Variants in SLC22A15 observed in about 807,000 individuals in gnomAD.
SLC22A15 encodes the protein solute carrier family 22 member 15, also known as flipt 1.
In SLC22A15, 45 loss-of-function variants were observed where a neutral mutation model predicts 62.7. That is an observed-to-expected ratio of 0.72 (90% CI 0.56 to 0.92). SLC22A15 has a LOEUF of 0.92. SLC22A15 is among the 40% of genes least tolerant of loss of function. The pLI is 0.00. For synonymous variants in SLC22A15, 264 were observed against 267.0 expected (o/e 0.99, Z 0.11); for missense variants, 622 against 665.6 (o/e 0.93, Z 0.72).
At chr1:115,998,646 A>G (rs2101125206) in intron 2 of SLC22A15, among the ~76,000 whole-genome samples, 2 of 151,646 alleles carry the variant, frequency 1.3e-5, no homozygotes, top group Middle Eastern at 6.8e-3. Context: ...CCCCTTTTTC[A>G]TCTCTGATTT....
chr1:116,031,338 A>G (rs1438711991), intron 5 of SLC22A15, 28 bp from the exon 6 acceptor site: 1 of 1,564,166 alleles, frequency 6.4e-7, no homozygotes, highest in Non-Finnish European at 8.8e-7. Context: ...CTATATGAAT[A>G]TACAGGCTTT....
chr1:116,025,124 G>A (rs1001368870), intron 4 of SLC22A15, among the ~76,000 whole-genome samples: 9 of 152,202 alleles, frequency 5.9e-5, no homozygotes, highest in African/African-American at 2.2e-4. Context: ...ACTGAGGCTC[G>A]GGGATATTTA....
At chr1:116,044,357 T>C (rs976460961) in intron 8 of SLC22A15, among the ~76,000 whole-genome samples, 3 of 152,218 alleles carry the variant, frequency 2.0e-5, no homozygotes, top group Non-Finnish European at 4.4e-5. Flanking sequence ...CCTAGCACTT[T>C]GGGAGGCCGA....
intron 4 of SLC22A15, among the ~76,000 whole-genome samples, chr1:116,024,331 T>G (rs1656987547): frequency 6.6e-6 from 1 of 152,188 alleles, no homozygotes; most frequent in Admixed American, 6.5e-5. Context: ...TGGTACCGTT[T>G]ACAAAAATGA....
intron 7 of SLC22A15, among the ~76,000 whole-genome samples, chr1:116,036,662 C>A (rs1002205653): frequency 2.0e-5 from 3 of 152,184 alleles, no homozygotes; most frequent in African/African-American, 7.2e-5. Context: ...AGTAAAAGTA[C>A]CTAGCATGTT....
rs1775709 is a variant in SLC22A15, at chr1:115,979,795, G to T, written c.87+3081G>T. The stretch of plus-strand genomic sequence containing the variant: ...GTTACTTCTTTGTTCTAAGCCAGAG[G>T]CTCCTGCTTTGTCATTTTCCTCAAA... On this transcript the variant is annotated intron_variant, in intron 1 of 11. Coordinates refer to ENST00000369503, the MANE Select transcript of SLC22A15 (RefSeq NM_018420.3). Among the ~76,000 whole-genome samples the T allele has an allele frequency of 3.1e-3, 475 of 152,092 alleles. 4 individuals are homozygous for T. The highest frequency in any genetic ancestry group is 0.011 in the African/African-American group (442 of 41,490).
At chr1:116,004,818 T>G (rs994215212) in intron 2 of SLC22A15, among the ~76,000 whole-genome samples, 1 of 152,184 alleles carries the variant, frequency 6.6e-6, no homozygotes, top group Non-Finnish European at 1.5e-5. Flanking sequence ...GATTTCCTTT[T>G]GGGGAGTTTT....
chr1:116,020,397 C>CA (rs1014827541), intron 3 of SLC22A15, among the ~76,000 whole-genome samples: 8 of 151,194 alleles, frequency 5.3e-5, no homozygotes, highest in South Asian at 2.1e-4. Context: ...CTAAAAAATA[C>CA]AAAAAAAATT....
chr1:116,035,156 T>C (rs1468408318), intron 6 of SLC22A15, 31 bp from the exon 7 acceptor site: 2 of 1,599,912 alleles, frequency 1.3e-6, no homozygotes, highest in East Asian at 2.3e-5. Context: ...TCTTGTCTTT[T>C]ACCTCCTGGT....
intron 1 of SLC22A15, among the ~76,000 whole-genome samples, chr1:115,988,390 C>T (rs1654983105): frequency 6.6e-6 from 1 of 152,166 alleles, no homozygotes. Context: ...GAATTTGTCA[C>T]AGCCAAAGAT....
chr1:116,034,142 A>G (rs188793414), intron 6 of SLC22A15, among the ~76,000 whole-genome samples: 6 of 152,270 alleles, frequency 3.9e-5, no homozygotes, highest in Admixed American at 3.3e-4. Context: ...CACTGATCAA[A>G]CTGTGTTGCA....
At chr1:116,012,213 A>G (rs762873019) in intron 2 of SLC22A15, among the ~76,000 whole-genome samples, 3 of 152,218 alleles carry the variant, frequency 2.0e-5, no homozygotes, top group Non-Finnish European at 4.4e-5. Flanking sequence ...GTCACAGGAA[A>G]AAACGGAAGC....
chr1:116,028,001 G>C (rs906560279), intron 5 of SLC22A15, among the ~76,000 whole-genome samples: 2 of 152,122 alleles, frequency 1.3e-5, no homozygotes, highest in Non-Finnish European at 2.9e-5. Flanking sequence ...CAAAATCTTT[G>C]ACATAAACAA....
intron 1 of SLC22A15, among the ~76,000 whole-genome samples, chr1:115,979,678 G>GT (rs1382430042): frequency 6.6e-6 from 1 of 152,138 alleles, no homozygotes; most frequent in Non-Finnish European, 1.5e-5. Flanking sequence ...GTTTGTGTAT[G>GT]TGTTTGCTTG....
intron 7 of SLC22A15, among the ~76,000 whole-genome samples, chr1:116,036,766 G>C (rs1254905408): frequency 1.3e-5 from 2 of 152,294 alleles, no homozygotes; most frequent in East Asian, 3.9e-4. Flanking sequence ...AACAAAGTAT[G>C]AAATAGCATT....
intron 8 of SLC22A15, among the ~76,000 whole-genome samples, chr1:116,055,099 A>T (rs1169572434): frequency 6.7e-6 from 1 of 149,802 alleles, no homozygotes; most frequent in African/African-American, 2.4e-5. Context: ...CCCTTCAAAA[A>T]ATTAATGAAT....
intron 2 of SLC22A15, among the ~76,000 whole-genome samples, chr1:116,004,323 T>C (rs537583277): frequency 9.8e-5 from 15 of 152,334 alleles, no homozygotes; most frequent in African/African-American, 3.4e-4. Context: ...TTGGTGTTCC[T>C]GTGGGGAGGA....
intron 1 of SLC22A15, among the ~76,000 whole-genome samples, chr1:115,990,883 G>A (rs1281700): frequency 0.15 from 22,882 of 151,934 alleles, 3,243 homozygotes; most frequent in African/African-American, 0.37. Context: ...TGAGCCTCCC[G>A]AGTAGCTGGA....
intron 1 of SLC22A15, among the ~76,000 whole-genome samples, chr1:115,978,577 C>T (rs1003481077): frequency 6.6e-6 from 1 of 152,112 alleles, no homozygotes; most frequent in Non-Finnish European, 1.5e-5. Flanking sequence ...CCAGCCTAGG[C>T]AAAAGTGAAT....
Sources: gnomAD v4.1 joint callset for allele counts (sites outside exome capture counted in the v4.1 genomes callset) on GRCh38, gnomAD v4.1.1 for gene constraint, MANE v1.5 for transcripts, NCBI Gene and HGNC (gene_info 2026-07-23, HGNC 2026-07-21) for gene names.